Variants in SLC24A3 observed in about 807,000 individuals in gnomAD.
SLC24A3 encodes solute carrier family 24 member 3, also known as sodium/potassium/calcium exchanger 3.
Under a neutral mutation model 75.8 loss-of-function variants are expected in SLC24A3, and 28 were observed. The observed-to-expected ratio is 0.37, with a 90% confidence interval of 0.27 to 0.51. SLC24A3 has a LOEUF of 0.51. Ranked by LOEUF, SLC24A3 falls within the 20% of genes least tolerant of loss-of-function variation. The pLI is 0.94. For missense variants in SLC24A3, 663 were observed against 847.8 expected, an observed-to-expected ratio of 0.78 and a Z score of 2.71; for synonymous variants, 372 against 334.1, an observed-to-expected ratio of 1.11 and a Z score of -1.24.
In SLC24A3 at chr20:19,587,748, A is replaced by G. The variant is rs73900559; in HGVS notation, c.612+2204A>G. 7.2e-3 allele frequency among the ~76,000 whole-genome samples: 1,091 copies of G among 152,320 alleles called. 12 individuals are homozygous for G. The highest frequency in any genetic ancestry group is 0.025 in the African/African-American group (1,035 of 41,566). ...CCTGGAGAAGTTACTTATGTTCTCA[A>G]AGCCTCATTTTTCTCATCTATAGAG... On this transcript the variant is annotated intron_variant, in intron 6 of 16. Coordinates refer to ENST00000328041, the MANE Select transcript of SLC24A3 (RefSeq NM_020689.4).
chr20:19,598,230 T>A (rs868796397), intron 6 of SLC24A3, among the ~76,000 whole-genome samples: 31 of 152,302 alleles, frequency 2.0e-4, no homozygotes, highest in Middle Eastern at 6.8e-3. Context: ...CTGCTGCAGC[T>A]GCTCTTTCCT....
chr20:19,314,444 A>T (rs1239048606), intron 2 of SLC24A3, among the ~76,000 whole-genome samples: 1 of 151,724 alleles, frequency 6.6e-6, no homozygotes, highest in Non-Finnish European at 1.5e-5. Flanking sequence ...CCTCCTGAGT[A>T]GCTGGGGCTA....
chr20:19,565,616 T>A (rs1176455522), intron 3 of SLC24A3, among the ~76,000 whole-genome samples: 1 of 152,136 alleles, frequency 6.6e-6, no homozygotes, highest in African/African-American at 2.4e-5. Context: ...TATGGACTCT[T>A]ATCTGAGGGT....
At chr20:19,249,946 G>C (rs1251794093) in intron 1 of SLC24A3, among the ~76,000 whole-genome samples, 1 of 152,220 alleles carries the variant, frequency 6.6e-6, no homozygotes, top group African/African-American at 2.4e-5. Flanking sequence ...TTTTCAGACA[G>C]TTGTTCTTTG....
intron 3 of SLC24A3, among the ~76,000 whole-genome samples, chr20:19,525,089 C>G (rs1373233371): frequency 6.6e-6 from 1 of 152,204 alleles, no homozygotes; most frequent in African/African-American, 2.4e-5. Flanking sequence ...CACTATCCAG[C>G]AGGAGTTTTG....
intron 2 of SLC24A3, among the ~76,000 whole-genome samples, chr20:19,505,064 A>G (rs926562220): frequency 6.6e-5 from 10 of 152,260 alleles, no homozygotes; most frequent in Non-Finnish European, 1.2e-4. Flanking sequence ...GTGCTCTGCT[A>G]GGCCAATAGT....
intron 6 of SLC24A3, among the ~76,000 whole-genome samples, chr20:19,620,673 C>T (rs2031791774): frequency 6.6e-6 from 1 of 152,154 alleles, no homozygotes; most frequent in Non-Finnish European, 1.5e-5. Flanking sequence ...CTTGTGTTTA[C>T]AGAGCAGCTG....
At chr20:19,537,927 A>G (rs6035373) in intron 3 of SLC24A3, among the ~76,000 whole-genome samples, 108,506 of 150,522 alleles carry the variant, frequency 0.72, 39,616 homozygotes, top group Non-Finnish European at 0.78. Flanking sequence ...ACCTAATGCT[A>G]AATGACGAGT....
intron 15 of SLC24A3, among the ~76,000 whole-genome samples, chr20:19,707,544 G>T (rs2032943778): frequency 6.6e-6 from 1 of 152,244 alleles, no homozygotes. Context: ...TACATTTTAA[G>T]ATTACACTGG....
At chr20:19,610,712 G>A (rs2031660934) in intron 6 of SLC24A3, among the ~76,000 whole-genome samples, 1 of 152,234 alleles carries the variant, frequency 6.6e-6, no homozygotes, top group African/African-American at 2.4e-5. Flanking sequence ...TGACCCCATG[G>A]TGGAATCCTG....
chr20:19,679,527 A>G (rs1243077650), intron 9 of SLC24A3, among the ~76,000 whole-genome samples: 1 of 146,024 alleles, frequency 6.8e-6, no homozygotes, highest in African/African-American at 2.6e-5. Flanking sequence ...GGGGAGAGGG[A>G]GACCGTGGGG....
chr20:19,709,198 C>T (rs945543840), intron 15 of SLC24A3, among the ~76,000 whole-genome samples: 1 of 152,178 alleles, frequency 6.6e-6, no homozygotes, highest in African/African-American at 2.4e-5. Context: ...TATTCACCCA[C>T]TCCTCAGAGT....
intron 6 of SLC24A3, among the ~76,000 whole-genome samples, chr20:19,641,826 G>C (rs965132762): frequency 2.0e-5 from 3 of 152,152 alleles, no homozygotes; most frequent in African/African-American, 7.2e-5. Context: ...TTGAAAACCA[G>C]GGCCTCCCTG....
chr20:19,674,888 A>G (rs759323405), intron 9 of SLC24A3, among the ~76,000 whole-genome samples: 3 of 152,070 alleles, frequency 2.0e-5, no homozygotes, highest in Non-Finnish European at 2.9e-5. Context: ...CCCCATCTCT[A>G]CTAAAAATAC....
At chr20:19,633,269 C>T (rs576147626) in intron 6 of SLC24A3, among the ~76,000 whole-genome samples, 7 of 152,344 alleles carry the variant, frequency 4.6e-5, no homozygotes, top group African/African-American at 1.7e-4. Flanking sequence ...AAGCCTTCCT[C>T]CTTGCATTGT....
intron 2 of SLC24A3, among the ~76,000 whole-genome samples, chr20:19,479,377 G>C (rs1438310992): frequency 1.3e-5 from 2 of 152,218 alleles, no homozygotes; most frequent in East Asian, 3.9e-4. Context: ...TGCACCTCTA[G>C]ACTGGCTTTC....
At chr20:19,257,613 C>T (rs1982854302) in intron 1 of SLC24A3, 1 of 152,226 alleles carries the variant, frequency 6.6e-6, no homozygotes, top group Admixed American at 6.5e-5. Flanking sequence ...TTAAGAATGC[C>T]TGTTATGTTT....
chr20:19,239,110 A>G (rs1982254647), intron 1 of SLC24A3, among the ~76,000 whole-genome samples: 1 of 138,406 alleles, frequency 7.2e-6, no homozygotes, highest in Non-Finnish European at 1.5e-5. Flanking sequence ...TCTTTGAGAA[A>G]AGCTTATTTT....
At chr20:19,447,268 A>G (rs539057977) in intron 2 of SLC24A3, among the ~76,000 whole-genome samples, 1 of 152,324 alleles carries the variant, frequency 6.6e-6, no homozygotes, top group South Asian at 2.1e-4. Flanking sequence ...TCAGTTCTCA[A>G]TGCCCTCCTC....
Sources: allele counts gnomAD v4.1 joint callset (sites outside exome capture counted in the v4.1 genomes callset), GRCh38; gene constraint gnomAD v4.1.1; transcripts MANE v1.5; gene names NCBI Gene and HGNC (gene_info 2026-07-23, HGNC 2026-07-21).